ZFP64: variants seen among roughly 807,000 people sequenced by gnomAD.
The protein encoded by ZFP64 is ZFP64 zinc finger protein, also known as zinc finger protein 64.
ZFP64 carries 14 observed loss-of-function variants against 51.6 expected under a neutral mutation model. That is an observed-to-expected ratio of 0.27 (90% CI 0.18 to 0.42). The LOEUF is 0.42. ZFP64 is among the 10% of genes least tolerant of loss of function. ZFP64 has a pLI of 1.00. For synonymous variants in ZFP64, 375 were observed against 361.4 expected (o/e 1.04, Z -0.43); for missense variants, 754 against 906.8 (o/e 0.83, Z 2.16).
At chr20:52,091,307 G>C (rs1472336724) in intron 7 of ZFP64, among the ~76,000 whole-genome samples, 1 of 152,136 alleles carries the variant, frequency 6.6e-6, no homozygotes, top group Non-Finnish European at 1.5e-5. Flanking sequence ...AGACCAGCCT[G>C]GGCAACACAG....
chr20:52,123,133 G>C (rs1979276676), intron 5 of ZFP64, among the ~76,000 whole-genome samples: 1 of 152,080 alleles, frequency 6.6e-6, no homozygotes, highest in African/African-American at 2.4e-5. Flanking sequence ...TAGGATTACA[G>C]GCATGCGCCA....
At position 52,191,678 on chromosome 20, in the gene ZFP64, G is replaced by GT. The variant is rs755746048; in HGVS notation, c.-43dup. On this transcript the variant is annotated 5_prime_UTR_variant, in exon 1 of 6. Coordinates refer to ENST00000216923, the MANE Select transcript of ZFP64 (RefSeq NM_018197.3). This position sits in a 1 kb window ranked among gnomAD's most constrained non-coding sequence, Gnocchi z 4.3. Reference sequence around the variant, plus strand: ...GTCCCCGGCCGGCCGGGATGCCAAAGTGGGGGACGCTGATCTACATGGTGC... The same window carrying GT: ...GTCCCCGGCCGGCCGGGATGCCAAAGTTGGGGGACGCTGATCTACATGGTGC... 6.4e-7 allele frequency: 1 copy of GT among 1,563,458 alleles called. No homozygotes were observed. Among genetic ancestry groups the GT allele is most frequent in the South Asian group, 1.2e-5 (1 of 84,836 alleles).
chr20:52,165,164 T>A (rs561690714), intron 3 of ZFP64: 1 of 458,906 alleles, frequency 2.2e-6, no homozygotes, highest in Non-Finnish European at 4.4e-6. Context: ...GTCATTCTTT[T>A]GATATTGGTA....
At chr20:52,187,158 C>T in intron 1 of ZFP64, 87 bp from the exon 2 acceptor site, 1 of 1,438,350 alleles carries the variant, frequency 7.0e-7, no homozygotes, top group East Asian at 2.4e-5. Flanking sequence ...GAAGAAAAGG[C>T]ATGGTGGCAG....
rs370338598 is a variant in ZFP64, at chr20:52,191,662, C to T, written c.-26G>A. 2.5e-6 allele frequency: 4 copies of T among 1,574,482 alleles called. No individual in the cohort carries two copies. Among genetic ancestry groups the T allele is most frequent in the Admixed American group, 1.8e-5 (1 of 55,530 alleles). On this transcript the variant is annotated 5_prime_UTR_variant, in exon 1 of 6. Coordinates refer to ENST00000216923, the MANE Select transcript of ZFP64 (RefSeq NM_018197.3). The surrounding 1 kb of genome is among the most constrained non-coding windows in gnomAD (Gnocchi z 4.3). ...GGCCGCAGACTGGGAGGTCCCCGGC[C>T]GGCCGGGATGCCAAAGTGGGGGACG...
intron 2 of ZFP64, among the ~76,000 whole-genome samples, chr20:52,179,953 G>C (rs1983497012): frequency 6.6e-6 from 1 of 152,230 alleles, no homozygotes; most frequent in African/African-American, 2.4e-5. Flanking sequence ...ATGTCACTCA[G>C]ATTAACAGAG....
rs762886893 is a variant in ZFP64 at position 52,153,098 on chromosome 20, T to C, written c.1094A>G (p.His365Arg). 5 of 1,614,222 alleles carry C rather than the reference T, an allele frequency of 3.1e-6. No individual in the cohort carries two copies. In the Admixed American group the frequency reaches 6.7e-5, roughly 22 times the overall value. The change falls in exon 6 of 6, where the codon CAC becomes CGC. Residue 365 changes from histidine (H) to arginine (R), a missense_variant. Physicochemically the swap from His to Arg is conservative, Grantham distance 29. Coordinates refer to ENST00000216923, the MANE Select transcript of ZFP64 (RefSeq NM_018197.3). This position sits in a 1 kb window ranked among gnomAD's most constrained non-coding sequence, Gnocchi z 5.1. ...GCACTTGAAAGGGCGGTCGGTGCAG[T>C]GGATACGCTCGTGGATGCGCAGGGC... is the stretch of plus-strand genomic sequence containing the variant. ...KAALRIHERI[H>R]CTDRPFKCNY...
rs1981675966 is a variant in ZFP64, at chr20:52,160,270, T to C, written c.616A>G (p.Lys206Glu). Reference sequence around the variant, plus strand: ...TCGGCAGCGGCGTAGTCACACGTCTTACACTTGTAGGGCTTCACGCCCGTG... The same window carrying C: ...TCGGCAGCGGCGTAGTCACACGTCTCACACTTGTAGGGCTTCACGCCCGTG... ...CHTGVKPYKC[K>E]TCDYAAADSS... is the part of the protein sequence containing the mutation. Residue 206 changes from lysine (K) to glutamate (E), a missense_variant, in exon 5 of 6, where the codon AAG becomes GAG. Lys to Glu is a moderately conservative substitution (Grantham distance 56). Around this residue, in one of 3 missense-constraint regions of ZFP64, gnomAD observed 231 missense variants for 336.7 expected, o/e 0.69. Transcript: ENST00000216923. This position sits in a 1 kb window ranked among gnomAD's most constrained non-coding sequence, Gnocchi z 4.2. The C allele has an allele frequency of 6.2e-7, 1 of 1,614,188 alleles. No homozygotes were observed. The highest frequency in any genetic ancestry group is 1.3e-5 in the African/African-American group (1 of 75,044).
At chr20:52,168,268 T>C (rs1982445626) in intron 2 of ZFP64, among the ~76,000 whole-genome samples, 1 of 152,204 alleles carries the variant, frequency 6.6e-6, no homozygotes, top group Non-Finnish European at 1.5e-5. Context: ...AGCTGAAAGA[T>C]TCAGACAAAC....
At chr20:52,175,479 T>C (rs1433044627) in intron 2 of ZFP64, among the ~76,000 whole-genome samples, 1 of 152,216 alleles carries the variant, frequency 6.6e-6, no homozygotes, top group Non-Finnish European at 1.5e-5. Flanking sequence ...TTTTTTGCAG[T>C]GTCGTTCATG....
chr20:52,167,430 T>TCTCCC (rs1396720074), intron 2 of ZFP64, among the ~76,000 whole-genome samples: 1 of 84,614 alleles, frequency 1.2e-5, no homozygotes, highest in Non-Finnish European at 2.6e-5. Context: ...AAGTGACTAC[T>TCTCCC]TTGTTAACTA....
chr20:52,180,460 G>A (rs1322377155), intron 2 of ZFP64, among the ~76,000 whole-genome samples: 2 of 149,034 alleles, frequency 1.3e-5, no homozygotes, highest in Non-Finnish European at 3.0e-5. Context: ...AATTGTGGGA[G>A]TAGGGAGAAG....
At chr20:52,175,568 G>C (rs558055615) in intron 2 of ZFP64, among the ~76,000 whole-genome samples, 7 of 152,352 alleles carry the variant, frequency 4.6e-5, no homozygotes, top group Admixed American at 1.3e-4. Context: ...TCTGAGGCCG[G>C]GCATGGCGGC....
At chr20:52,110,882 C>T (rs918307802) in intron 5 of ZFP64, 18 of 1,610,064 alleles carry the variant, frequency 1.1e-5, no homozygotes, top group Middle Eastern at 1.6e-4. Context: ...AAGAGATCAT[C>T]GCTGGAAGCC....
At chr20:52,110,250 C>A (rs1420249931) in intron 5 of ZFP64, 12 of 294,086 alleles carry the variant, frequency 4.1e-5, no homozygotes, top group Non-Finnish European at 6.2e-6. Context: ...ACTTTTCCCA[C>A]CAACCCCTTA....
intron 5 of ZFP64, among the ~76,000 whole-genome samples, chr20:52,120,606 G>GAATTCTTGTACAATTCTTCTACA (rs60703461): frequency 0.036 from 5,416 of 148,554 alleles, 355 homozygotes; most frequent in African/African-American, 0.13. Context: ...GTCATGCTGA[G>GAATTCTTGTACAATTCTTCTACA]ATAATTCTTG....
intron 5 of ZFP64, chr20:52,111,065 G>A (rs1293695925): frequency 1.1e-5 from 14 of 1,220,872 alleles, no homozygotes; most frequent in Non-Finnish European, 1.7e-5. Flanking sequence ...GCGGAGAGGA[G>A]CAGGAAGCCC....
chr20:52,186,416 A>G (rs1001779690), intron 2 of ZFP64, among the ~76,000 whole-genome samples: 4 of 151,154 alleles, frequency 2.6e-5, no homozygotes, highest in African/African-American at 9.8e-5. Context: ...GCCAGTTTAT[A>G]GATTTTTTTT....
chr20:52,147,851 C>T (rs1489803314), downstream of ZFP64, among the ~76,000 whole-genome samples: 2 of 152,062 alleles, frequency 1.3e-5, no homozygotes, highest in East Asian at 3.9e-4. Context: ...CCCATCTCTA[C>T]TAAAGATACA....
Sources: gnomAD v4.1 joint callset for allele counts (sites outside exome capture counted in the v4.1 genomes callset) on GRCh38, gnomAD v4.1.1 for gene constraint, gnomAD v4.1.1 regional missense constraint, Gnocchi (gnomAD v3.1) non-coding constraint, MANE v1.5 for transcripts, NCBI Gene and HGNC (gene_info 2026-07-23, HGNC 2026-07-21) for gene names.